Variants in GRM1 observed in about 807,000 individuals in gnomAD.
GRM1 encodes the protein metabotropic glutamate receptor 1.
GRM1 carries 33 observed loss-of-function variants against 90.9 expected under a neutral mutation model. The observed-to-expected ratio is 0.36, with a 90% CI of 0.28 to 0.49. The LOEUF (loss-of-function observed/expected upper bound fraction) is 0.49. Ranked by LOEUF, GRM1 falls within the 20% of genes least tolerant of loss-of-function variation. The pLI, the probability that GRM1 is intolerant of heterozygous loss-of-function variation, is 0.99. For missense variants in GRM1, 1,190 were observed against 1,534.3 expected (o/e 0.78, Z 3.75); for synonymous variants, 700 against 613.2 (o/e 1.14, Z -2.09).
intron 2 of GRM1, among the ~76,000 whole-genome samples, chr6:146,235,213 AT>A (rs560427422): frequency 6.6e-6 from 1 of 151,874 alleles, no homozygotes; most frequent in African/African-American, 2.4e-5. Flanking sequence ...TCACTTGACC[AT>A]TTTTTTGTCT....
rs142843749 is a variant in GRM1 at position 146,191,267 on chromosome 6, G to A, written c.950+31670G>A. Among the ~76,000 whole-genome samples the A allele has an allele frequency of 2.8e-4, 42 of 152,290 alleles. No individual in the cohort carries two copies. In the East Asian group the frequency reaches 7.9e-3, roughly 29 times the overall value. ...GTGTCTTGATGGTCTGTGGACCGGG[G>A]TGATCCCTACTGGATTGTGGGTTCC... On this transcript the variant is annotated intron_variant, in intron 2 of 7. Transcript: ENST00000282753.
chr6:146,082,795 G>A (rs1402489655), intron 1 of GRM1, among the ~76,000 whole-genome samples: 1 of 152,118 alleles, frequency 6.6e-6, no homozygotes, highest in African/African-American at 2.4e-5. Context: ...AGTTTGATGG[G>A]AATAGCATTG....
rs551598048 is a variant in GRM1 at position 146,034,894 on chromosome 6, A to G, written c.700+4677A>G. On this transcript the variant is annotated intron_variant, in intron 1 of 7. Coordinates refer to ENST00000282753, the MANE Select transcript of GRM1 (RefSeq NM_001278064.2). ...ATAAAAACTTTAAATAACAATTTTG[A>G]AGACTTAATTTCGGTTACTAAGTAG... Among the ~76,000 whole-genome samples the G allele has an allele frequency of 1.8e-4, 27 of 152,152 alleles. No individual in the cohort carries two copies. The East Asian group carries it at 5.0e-3, about 28-fold the overall frequency.
intron 1 of GRM1, among the ~76,000 whole-genome samples, chr6:146,105,580 A>T (rs1777199431): frequency 6.6e-6 from 1 of 152,194 alleles, no homozygotes; most frequent in Non-Finnish European, 1.5e-5. Flanking sequence ...CTTGAAAAAA[A>T]AGATAAACTA....
intron 2 of GRM1, among the ~76,000 whole-genome samples, chr6:146,251,525 C>A (rs2114764112): frequency 6.6e-6 from 1 of 152,280 alleles, no homozygotes; most frequent in African/African-American, 2.4e-5. Context: ...GAGGGGCAGC[C>A]TTGCTATATA....
At chr6:146,287,049 A>T (rs777896024) in intron 2 of GRM1, among the ~76,000 whole-genome samples, 1 of 152,196 alleles carries the variant, frequency 6.6e-6, no homozygotes. Flanking sequence ...CTCAGGGAGA[A>T]AAAAGAATAC....
intron 7 of GRM1, among the ~76,000 whole-genome samples, chr6:146,408,135 C>A (rs1368494524): frequency 6.6e-6 from 1 of 152,054 alleles, no homozygotes; most frequent in African/African-American, 2.4e-5. Flanking sequence ...TCATTGTATC[C>A]TCACATGATA....
At chr6:146,337,919 TAGTATCTACTGCTGGTCAGGATGTG>T (rs1167851366) in intron 3 of GRM1, among the ~76,000 whole-genome samples, 1 of 152,190 alleles carries the variant, frequency 6.6e-6, no homozygotes, top group Non-Finnish European at 1.5e-5. Flanking sequence ...TACAAAATGA[TAGTATCTACTGCTGGTCAGGATGTG>T]GTAAAATGGG....
intron 2 of GRM1, among the ~76,000 whole-genome samples, chr6:146,296,855 G>A (rs1287285534): frequency 3.3e-5 from 5 of 152,076 alleles, no homozygotes; most frequent in Middle Eastern, 6.3e-3. Context: ...ATTGGATTTT[G>A]TAAGACTTCA....
At chr6:146,096,190 T>C (rs1776868634) in intron 1 of GRM1, among the ~76,000 whole-genome samples, 1 of 152,178 alleles carries the variant, frequency 6.6e-6, no homozygotes, top group African/African-American at 2.4e-5. Context: ...TATTTGATTT[T>C]ATAAACAAAA....
intron 1 of GRM1, among the ~76,000 whole-genome samples, chr6:146,148,906 G>T (rs1777212914): frequency 6.6e-6 from 1 of 152,078 alleles, no homozygotes; most frequent in Admixed American, 6.5e-5. Context: ...ATACCACATA[G>T]GTAAGGATAG....
intron 2 of GRM1, among the ~76,000 whole-genome samples, chr6:146,301,670 TAGAC>T (rs1255305605): frequency 2.6e-5 from 4 of 152,210 alleles, no homozygotes; most frequent in African/African-American, 7.2e-5. Context: ...TATTTACCCT[TAGAC>T]AGAATTTCTT....
In GRM1 at chr6:146,287,042, A is replaced by G. The variant is rs79103423; in HGVS notation, c.951-17569A>G. ...GACAGGCAATTCAATCATTTGACTC[A>G]GGGAGAAAAAAGAATACAGCTTCAA... On this transcript the variant is annotated intron_variant, in intron 2 of 7. Coordinates refer to ENST00000282753, the MANE Select transcript of GRM1 (RefSeq NM_001278064.2). 8.8e-3 allele frequency among the ~76,000 whole-genome samples: 1,342 copies of G among 152,326 alleles called. 25 individuals are homozygous for G. Among genetic ancestry groups the G allele is most frequent in the African/African-American group, 0.03 (1,259 of 41,576 alleles).
At chr6:146,120,289 T>G (rs1456742349) in intron 1 of GRM1, among the ~76,000 whole-genome samples, 2 of 152,260 alleles carry the variant, frequency 1.3e-5, no homozygotes, top group African/African-American at 4.8e-5. Context: ...ATTGATTTTG[T>G]ATCCTGAGAC....
intron 6 of GRM1, among the ~76,000 whole-genome samples, chr6:146,391,235 A>C (rs1776708704): frequency 1.3e-5 from 2 of 152,108 alleles, no homozygotes; most frequent in Admixed American, 6.6e-5. Context: ...TAAGTACCCT[A>C]ACATTTGATT....
chr6:146,153,038 C>T (rs1035581761), intron 1 of GRM1, among the ~76,000 whole-genome samples: 1 of 152,112 alleles, frequency 6.6e-6, no homozygotes, highest in African/African-American at 2.4e-5. Context: ...GGGCTCGTGG[C>T]TGGGTGTACT....
chr6:146,416,565 C>G (rs1023850564), intron 7 of GRM1, among the ~76,000 whole-genome samples: 1 of 152,136 alleles, frequency 6.6e-6, no homozygotes, highest in Admixed American at 6.5e-5. Flanking sequence ...ACATATTTTA[C>G]ATCCTATCTT....
At chr6:146,052,236 T>G (rs1431168320) in intron 1 of GRM1, among the ~76,000 whole-genome samples, 1 of 152,108 alleles carries the variant, frequency 6.6e-6, no homozygotes, top group Non-Finnish European at 1.5e-5. Flanking sequence ...TTATATTTAC[T>G]TTATTACATT....
At chr6:146,094,460 T>C (rs1162900068) in intron 1 of GRM1, among the ~76,000 whole-genome samples, 1 of 152,152 alleles carries the variant, frequency 6.6e-6, no homozygotes, top group African/African-American at 2.4e-5. Flanking sequence ...CTGGAATCAA[T>C]CACAAAATAT....
Sources: gnomAD v4.1 joint callset for allele counts (sites outside exome capture counted in the v4.1 genomes callset) on GRCh38, gnomAD v4.1.1 for gene constraint, MANE v1.5 for transcripts, NCBI Gene and HGNC (gene_info 2026-07-23, HGNC 2026-07-21) for gene names.